Variants in PSMA3 observed in about 807,000 individuals in gnomAD.
PSMA3 encodes proteasome 20S subunit alpha 3.
A neutral mutation model predicts 40.0 loss-of-function variants in PSMA3; 8 were observed. The observed-to-expected ratio is 0.20, with a 90% confidence interval of 0.12 to 0.36. PSMA3 has a LOEUF of 0.36. PSMA3 is among the 10% of genes least tolerant of loss of function. The pLI is 1.00. For synonymous variants in PSMA3, 110 were observed against 100.0 expected (o/e 1.10, Z -0.59); for missense variants, 219 against 310.6 (o/e 0.70, Z 2.22).
intron 1 of PSMA3, among the ~76,000 whole-genome samples, chr14:58,247,205 T>C (rs766866874): frequency 2.6e-5 from 4 of 152,250 alleles, no homozygotes; most frequent in Non-Finnish European, 5.9e-5. Flanking sequence ...TAGTCTGTAG[T>C]AGTTCATTGC....
intron 7 of PSMA3, chr14:58,265,460 C>G (rs186234912): frequency 1.3e-5 from 2 of 152,138 alleles, no homozygotes; most frequent in African/African-American, 4.8e-5. Flanking sequence ...CCACTGCCTG[C>G]TTTTGTGTAA....
At chr14:58,246,953 C>A (rs143379724) in intron 1 of PSMA3, among the ~76,000 whole-genome samples, 2 of 152,298 alleles carry the variant, frequency 1.3e-5, no homozygotes, top group African/African-American at 4.8e-5. Context: ...CTGGAAGACA[C>A]AACATAATCT....
intron 1 of PSMA3, 179 bp downstream of exon 1, chr14:58,245,120 C>T: frequency 1.4e-6 from 1 of 706,044 alleles, no homozygotes; most frequent in Admixed American, 2.5e-5. Flanking sequence ...AGGCCTGCGT[C>T]TCAGGTGACC....
chr14:58,268,035 A>G (rs1338800602), intron 8 of PSMA3: 1 of 152,252 alleles, frequency 6.6e-6, no homozygotes, highest in African/African-American at 2.4e-5. Context: ...TTCAACAACC[A>G]GCTTAAGAAA....
intron 2 of PSMA3, among the ~76,000 whole-genome samples, chr14:58,249,946 G>A (rs528553398): frequency 6.6e-6 from 1 of 152,264 alleles, no homozygotes; most frequent in African/African-American, 2.4e-5. Context: ...TTCCTGCTGG[G>A]CGTGAGCCAC....
At chr14:58,260,743 AAAC>A (rs1229552116) in intron 5 of PSMA3, among the ~76,000 whole-genome samples, 2 of 152,228 alleles carry the variant, frequency 1.3e-5, no homozygotes, top group Admixed American at 1.3e-4. Flanking sequence ...GATTAATACT[AAAC>A]AAACAAAAGC....
At chr14:58,270,862 C>A in intron 9 of PSMA3, 72 bp from the exon 10 acceptor site, 2 of 1,277,576 alleles carry the variant, frequency 1.6e-6, no homozygotes, top group Non-Finnish European at 2.2e-6. Context: ...TTGGGTAGAT[C>A]CTATGGTATA....
intron 1 of PSMA3, among the ~76,000 whole-genome samples, chr14:58,245,701 G>A (rs1057436582): frequency 4.6e-5 from 7 of 152,116 alleles, no homozygotes; most frequent in African/African-American, 1.7e-4. Flanking sequence ...CTCCTTTTAT[G>A]TACTTCTCTA....
intron 1 of PSMA3, among the ~76,000 whole-genome samples, chr14:58,246,642 C>T (rs1395823121): frequency 3.9e-5 from 6 of 152,258 alleles, no homozygotes; most frequent in African/African-American, 1.4e-4. Context: ...TGTGATCAGC[C>T]CGCCTCACCC....
chr14:58,247,501 G>T (rs372036288), intron 1 of PSMA3, among the ~76,000 whole-genome samples: 8 of 152,308 alleles, frequency 5.3e-5, no homozygotes, highest in Admixed American at 3.9e-4. Context: ...GAGTTTTGTA[G>T]TCTGGGTGAA....
chr14:58,266,554 G>C (rs944152888), intron 7 of PSMA3: 1 of 152,156 alleles, frequency 6.6e-6, no homozygotes, highest in African/African-American at 2.4e-5. Context: ...AGGCCCTAGG[G>C]ATATTTTTCT....
rs778270613 is a variant in PSMA3, at chr14:58,270,931, C to T, written c.659-3C>T. 2.1e-5 allele frequency: 33 copies of T among 1,594,406 alleles called. No individual in the cohort carries two copies. The highest frequency in any genetic ancestry group is 1.8e-4 in the Middle Eastern group (1 of 5,596). ...TCATTTACACATGTGGCTTAATTTA[C>T]AGTAACTAATGGAAGACATGAAATT... On this transcript the variant is annotated splice_polypyrimidine_tract_variant and splice_region_variant and intron_variant, in intron 9 of 10. Coordinates refer to ENST00000216455, the MANE Select transcript of PSMA3 (RefSeq NM_002788.4).
In PSMA3 at chr14:58,270,942, G is replaced by A. The variant is rs368886678; in HGVS notation, c.667G>A (p.Gly223Arg). The A allele has an allele frequency of 8.7e-6, 14 of 1,603,222 alleles. No individual in the cohort carries two copies. Among genetic ancestry groups the A allele is most frequent in the Non-Finnish European group, 1.2e-5 (14 of 1,172,570 alleles). ...ELSWVGELTN[G>R]RHEIVPKDIR... ...TGTGGCTTAATTTACAGTAACTAAT[G>A]GAAGACATGAAATTGTTCCAAAAGA... is the stretch of plus-strand genomic sequence containing the variant. The change falls in exon 10 of 11, where the codon GGA becomes AGA. Residue 223 changes from glycine (G) to arginine (R), a missense_variant. Coordinates refer to ENST00000216455, the MANE Select transcript of PSMA3 (RefSeq NM_002788.4).
chr14:58,245,592 C>T (rs1889863369), intron 1 of PSMA3: 2 of 152,380 alleles, frequency 1.3e-5, no homozygotes, highest in South Asian at 2.0e-4. Flanking sequence ...AACTTAACAG[C>T]TTCAGACTTT....
chr14:58,264,376 C>T (rs1032620597), intron 7 of PSMA3, among the ~76,000 whole-genome samples: 4 of 152,182 alleles, frequency 2.6e-5, no homozygotes, highest in Admixed American at 1.3e-4. Context: ...CTTACGACTA[C>T]CCACTTTTTC....
rs754312860 is a variant in PSMA3 at position 58,247,701 on chromosome 14, GT to G, written c.22-48del. 1.5e-5 allele frequency: 19 copies of G among 1,271,682 alleles called. No homozygotes were observed. In the African/African-American group the frequency reaches 2.8e-4, roughly 19 times the overall value. 78.8% of individuals were successfully genotyped at this position (1,271,682 alleles called of 1,614,324 possible). A position where few individuals can be genotyped will look rare whatever the true frequency, so the allele number is the denominator to read the frequency against. Reference sequence around the variant, plus strand: ...CATTTAGAGGGGAAGAAACTGTATGGTCATTACTGCCAAAGATACAAGCTTA... The same window carrying G: ...CATTTAGAGGGGAAGAAACTGTATGGCATTACTGCCAAAGATACAAGCTTA... On this transcript the variant is annotated intron_variant, in intron 1 of 10. Transcript: ENST00000216455.
intron 3 of PSMA3, among the ~76,000 whole-genome samples, chr14:58,255,646 G>A (rs1890126576): frequency 6.6e-6 from 1 of 152,286 alleles, no homozygotes; most frequent in East Asian, 1.9e-4. Flanking sequence ...GCGCATGCCT[G>A]TACTCCCAGC....
intron 1 of PSMA3, among the ~76,000 whole-genome samples, chr14:58,246,161 C>G (rs1309497028): frequency 6.6e-6 from 1 of 152,138 alleles, no homozygotes; most frequent in African/African-American, 2.4e-5. Flanking sequence ...CTTCATTTCT[C>G]CCAAGAACTC....
chr14:58,270,168 T>G (rs79364655), intron 8 of PSMA3: 16 of 428,114 alleles, frequency 3.7e-5, no homozygotes, highest in African/African-American at 2.7e-4. Flanking sequence ...TAAAGCAATG[T>G]GCAAAAATAA....
Sources: gnomAD v4.1 joint callset for allele counts (sites outside exome capture counted in the v4.1 genomes callset) on GRCh38, gnomAD v4.1.1 for gene constraint, MANE v1.5 for transcripts, NCBI Gene and HGNC (gene_info 2026-07-23, HGNC 2026-07-21) for gene names.